Variants in COLEC10 observed in about 807,000 individuals in gnomAD.
COLEC10 encodes collectin subfamily member 10.
A neutral mutation model predicts 28.4 loss-of-function variants in COLEC10; 22 were observed. The ratio of observed to expected loss-of-function variants is 0.78; its 90% CI spans 0.55 to 1.11. The LOEUF (loss-of-function observed/expected upper bound fraction) is 1.11, where lower values mean the gene tolerates loss of function less well. Among genes scored for constraint, COLEC10 ranks in the 50% least tolerant of loss-of-function variants. The probability of loss-of-function intolerance (pLI) is 0.00; values close to 1 mark genes in which losing one functional copy is unlikely to be tolerated. For synonymous variants in COLEC10, 125 were observed against 116.1 expected (o/e 1.08, Z -0.49); for missense variants, 361 against 344.1 (o/e 1.05, Z -0.39).
the COLEC10 span, among the ~76,000 whole-genome samples, chr8:118,971,783 G>C: frequency 6.6e-6 from 1 of 152,024 alleles, no homozygotes; most frequent in Non-Finnish European, 1.5e-5. Context: ...AGATAATATA[G>C]TGAGAGTAGT....
Position 119,038,235 on chromosome 8 carries a change from A to G in COLEC10, n.235+28682A>G, listed in dbSNP as rs573689633. ...TGCCGTTTCTAGCATGATAACCTTG[A>G]GCATTATTCAACTTCTTGAGACTAC... is the stretch of plus-strand genomic sequence containing the variant. On this transcript the variant is annotated intron_variant and non_coding_transcript_variant, in intron 2 of 6. Transcript: ENST00000521788. Among the ~76,000 whole-genome samples, 9 of 152,328 alleles carry G rather than the reference A, an allele frequency of 5.9e-5. No homozygotes were observed. In the South Asian group the frequency reaches 1.9e-3, roughly 32 times the overall value.
At chr8:119,015,993 A>G (rs1388583454) in intron 2 of COLEC10, among the ~76,000 whole-genome samples, 2 of 152,176 alleles carry the variant, frequency 1.3e-5, no homozygotes, top group Non-Finnish European at 2.9e-5. Context: ...TAGGTATGCT[A>G]TCATTCTACC....
chr8:118,960,789 A>G, the COLEC10 span, among the ~76,000 whole-genome samples: 4 of 142,118 alleles, frequency 2.8e-5, no homozygotes, highest in African/African-American at 1.2e-4. Context: ...CTCTGTGAAA[A>G]AAAAAAAAAA....
At chr8:119,025,802 A>C (rs1814180563) in intron 2 of COLEC10, among the ~76,000 whole-genome samples, 1 of 152,192 alleles carries the variant, frequency 6.6e-6, no homozygotes, top group Non-Finnish European at 1.5e-5. Flanking sequence ...CAATGTTAGA[A>C]AACATCAAGA....
chr8:119,043,881 A>C (rs1334604336), intron 2 of COLEC10, among the ~76,000 whole-genome samples: 1 of 152,208 alleles, frequency 6.6e-6, no homozygotes, highest in East Asian at 1.9e-4. Context: ...TTACAGTTAG[A>C]AGTAGGACAT....
the COLEC10 span, among the ~76,000 whole-genome samples, chr8:118,954,650 G>A: frequency 1.3e-5 from 2 of 152,178 alleles, no homozygotes; most frequent in Non-Finnish European, 2.9e-5. Context: ...CTTTCTAGGG[G>A]ACACCTCATC....
intron 5 of COLEC10, among the ~76,000 whole-genome samples, chr8:119,104,854 G>A (rs138888002): frequency 3.3e-5 from 5 of 152,284 alleles, no homozygotes; most frequent in Admixed American, 3.3e-4. Context: ...TAGAGCAATA[G>A]TTCTGAACAT....
chr8:118,982,129 T>C, the COLEC10 span, among the ~76,000 whole-genome samples: 1 of 152,138 alleles, frequency 6.6e-6, no homozygotes, highest in Non-Finnish European at 1.5e-5. Context: ...AGTGTTCTGA[T>C]TGCTAAGGAT....
At chr8:119,075,676 ACT>A (rs1330379287) in intron 1 of COLEC10, among the ~76,000 whole-genome samples, 2 of 151,902 alleles carry the variant, frequency 1.3e-5, no homozygotes, top group Admixed American at 6.6e-5. Context: ...AAGGATCATC[ACT>A]CTTATTTTAA....
chr8:118,989,184 C>A, the COLEC10 span, among the ~76,000 whole-genome samples: 1 of 152,014 alleles, frequency 6.6e-6, no homozygotes, highest in Non-Finnish European at 1.5e-5. Context: ...AATGTAAATG[C>A]TAGAAATCAA....
intron 2 of COLEC10, among the ~76,000 whole-genome samples, chr8:119,039,342 C>T (rs533462347): frequency 6.6e-6 from 1 of 152,144 alleles, no homozygotes; most frequent in South Asian, 2.1e-4. Context: ...TGCTAGGTGA[C>T]CCATAGCTTA....
chr8:119,056,067 A>G (rs1042681515), intron 2 of COLEC10, among the ~76,000 whole-genome samples: 1 of 152,042 alleles, frequency 6.6e-6, no homozygotes, highest in African/African-American at 2.4e-5. Context: ...CAATTGTTTA[A>G]GGCAGGAACC....
At chr8:119,053,687 G>GGGT (rs1814715912) in intron 2 of COLEC10, among the ~76,000 whole-genome samples, 1 of 38,530 alleles carries the variant, frequency 2.6e-5, no homozygotes, top group Non-Finnish European at 4.8e-5. Flanking sequence ...AAAAAAAGGT[G>GGGT]GGGGGGGCTT....
chr8:119,007,475 A>G (rs951999105), intron 1 of COLEC10, among the ~76,000 whole-genome samples: 4 of 145,948 alleles, frequency 2.7e-5, no homozygotes, highest in Non-Finnish European at 4.4e-5. Context: ...ATTGGGATTT[A>G]CCCATTTTGG....
upstream of COLEC10, among the ~76,000 whole-genome samples, chr8:118,993,021 A>AC (rs1216862866): frequency 7.2e-5 from 11 of 152,200 alleles, no homozygotes; most frequent in African/African-American, 2.7e-4. Context: ...GAATTTCGTG[A>AC]GTTCCCTTTG....
chr8:119,086,288 A>G (rs1188248342), intron 1 of COLEC10, among the ~76,000 whole-genome samples: 1 of 152,212 alleles, frequency 6.6e-6, no homozygotes, highest in Non-Finnish European at 1.5e-5. Flanking sequence ...TTAATTTTCA[A>G]ATACAAGTGG....
Position 119,106,138 on chromosome 8 carries a change from G to T in COLEC10, c.781G>T (p.Glu261Ter). Residue 261 changes from glutamate (E) to a stop codon, truncating the protein, a stop_gained, in exon 6 of 6, where the codon GAG becomes TAG. Transcript: ENST00000332843. LOFTEE classifies it high-confidence loss of function. ...MLSSGRWNDT[E>*]CHLTMYFVCE... ...GAGCTCTGGCAGATGGAATGACACA[G>T]AGTGCCATCTTACCATGTACTTTGT... 6.2e-7 allele frequency: 1 copy of T among 1,613,174 alleles called. No individual in the cohort carries two copies. The highest frequency in any genetic ancestry group is 8.5e-7 in the Non-Finnish European group (1 of 1,179,276).
At chr8:119,022,828 C>T (rs1458207313) in intron 2 of COLEC10, among the ~76,000 whole-genome samples, 1 of 152,122 alleles carries the variant, frequency 6.6e-6, no homozygotes, top group Non-Finnish European at 1.5e-5. Context: ...GCTGTCATCT[C>T]ACTGAAAGTA....
intron 1 of COLEC10, among the ~76,000 whole-genome samples, chr8:119,071,156 C>T (rs1362342559): frequency 6.6e-6 from 1 of 152,202 alleles, no homozygotes; most frequent in East Asian, 1.9e-4. Flanking sequence ...CATCACGAAA[C>T]CTCACAGCCC....
Sources: gnomAD v4.1 joint callset for allele counts (sites outside exome capture counted in the v4.1 genomes callset) on GRCh38, gnomAD v4.1.1 for gene constraint, MANE v1.5 for transcripts, NCBI Gene and HGNC (gene_info 2026-07-23, HGNC 2026-07-21) for gene names.